Variants in PTPN1 observed in about 807,000 individuals in gnomAD.
PTPN1 encodes the protein protein tyrosine phosphatase non-receptor type 1.
In PTPN1, 12 loss-of-function variants were observed where a neutral mutation model predicts 59.9. That is an observed-to-expected ratio of 0.20 (90% CI 0.13 to 0.32). PTPN1 has a LOEUF of 0.32. PTPN1 is among the 10% of genes least tolerant of loss of function. PTPN1 has a pLI of 1.00. For missense variants in PTPN1, 356 were observed against 549.2 expected (o/e 0.65, Z 3.52); for synonymous variants, 178 against 203.6 (o/e 0.87, Z 1.07).
chr20:50,528,653 G>T (rs1273970238), intron 1 of PTPN1, among the ~76,000 whole-genome samples: 1 of 150,056 alleles, frequency 6.7e-6, no homozygotes, highest in Non-Finnish European at 1.5e-5. Context: ...GGTGGAGGTT[G>T]CAGTGAGCTG....
At chr20:50,559,684 T>C (rs982585516) in intron 1 of PTPN1, among the ~76,000 whole-genome samples, 1 of 152,180 alleles carries the variant, frequency 6.6e-6, no homozygotes, top group Non-Finnish European at 1.5e-5. Context: ...CTTCTACTTA[T>C]ATTTGATTCT....
chr20:50,510,601 G>T lies in PTPN1; in HGVS notation c.63+11G>T. On this transcript the variant is annotated intron_variant, in intron 1 of 9. Transcript: ENST00000371621. ...GCGGCCATTTACCAGGTGCGGGAGC[G>T]CCCCGGAGCGTGGCGGGCCCTTCGC... 1 of 1,550,468 alleles carries T rather than the reference G, an allele frequency of 6.4e-7. No homozygotes were observed. Among genetic ancestry groups the T allele is most frequent in the Non-Finnish European group, 8.7e-7 (1 of 1,146,416 alleles).
chr20:50,524,569 CTTTTTTTTTTTT>C (rs764474360), intron 1 of PTPN1, among the ~76,000 whole-genome samples: 3 of 45,782 alleles, frequency 6.6e-5, no homozygotes, highest in East Asian at 6.3e-4. Flanking sequence ...ATTATGTGGT[CTTTTTTTTTTTT>C]TTTTTTTTTT....
chr20:50,545,818 C>T (rs1187731644), intron 1 of PTPN1, among the ~76,000 whole-genome samples: 1 of 151,958 alleles, frequency 6.6e-6, no homozygotes, highest in Non-Finnish European at 1.5e-5. Flanking sequence ...GAGTTCAAGA[C>T]CAGCCCAGGC....
At chr20:50,554,370 G>A (rs2082716412) in intron 1 of PTPN1, among the ~76,000 whole-genome samples, 1 of 51,040 alleles carries the variant, frequency 2.0e-5, no homozygotes, top group Non-Finnish European at 4.3e-5. Flanking sequence ...CTAGGCAACA[G>A]CAAGACCACA....
chr20:50,524,830 C>G (rs2082567271), intron 1 of PTPN1, among the ~76,000 whole-genome samples: 1 of 152,010 alleles, frequency 6.6e-6, no homozygotes, highest in Non-Finnish European at 1.5e-5. Flanking sequence ...TCACTTCAGC[C>G]TCCCAAAGTG....
intron 1 of PTPN1, among the ~76,000 whole-genome samples, chr20:50,524,594 T>TTTTTTTTTTA (rs869166484): frequency 7.1e-6 from 1 of 140,884 alleles, no homozygotes; most frequent in Non-Finnish European, 1.5e-5. Flanking sequence ...TTTTTTTTTT[T>TTTTTTTTTTA]GAGGTGGAGT....
chr20:50,553,646 C>T (rs569615834), intron 1 of PTPN1, among the ~76,000 whole-genome samples: 6 of 152,176 alleles, frequency 3.9e-5, no homozygotes, highest in African/African-American at 1.2e-4. Context: ...AATAAGTAAA[C>T]AATGTGATGC....
At chr20:50,558,193 A>G (rs969943051) in intron 1 of PTPN1, among the ~76,000 whole-genome samples, 1 of 151,954 alleles carries the variant, frequency 6.6e-6, no homozygotes, top group South Asian at 2.1e-4. Context: ...TAATGTTCCC[A>G]TATCTTCTTA....
intron 1 of PTPN1, among the ~76,000 whole-genome samples, chr20:50,544,555 G>T (rs2082666636): frequency 6.6e-6 from 1 of 152,130 alleles, no homozygotes; most frequent in South Asian, 2.1e-4. Flanking sequence ...ATATGAATGA[G>T]AAAAACACTA....
At chr20:50,549,582 T>C (rs969528615) in intron 1 of PTPN1, among the ~76,000 whole-genome samples, 1 of 152,186 alleles carries the variant, frequency 6.6e-6, no homozygotes, top group Non-Finnish European at 1.5e-5. Context: ...CTGACCAGTT[T>C]TGCCCCTTCC....
At chr20:50,555,351 A>G (rs2082721435) in intron 1 of PTPN1, among the ~76,000 whole-genome samples, 1 of 152,228 alleles carries the variant, frequency 6.6e-6, no homozygotes, top group African/African-American at 2.4e-5. Flanking sequence ...GAACAATACA[A>G]AGCAGACTGT....
intron 5 of PTPN1, 76 bp from the exon 6 acceptor site, chr20:50,578,344 T>C (rs1013536951): frequency 1.6e-6 from 2 of 1,273,844 alleles, no homozygotes; most frequent in Non-Finnish European, 2.3e-6. Context: ...GGAAGGTGAC[T>C]CTGTGTGTAC....
intron 1 of PTPN1, among the ~76,000 whole-genome samples, chr20:50,529,573 G>A (rs185798257): frequency 7.9e-5 from 12 of 152,250 alleles, no homozygotes; most frequent in Non-Finnish European, 1.6e-4. Context: ...ACACTTTTGC[G>A]TCTGAAACCA....
At chr20:50,520,300 G>A (rs186603822) in intron 1 of PTPN1, among the ~76,000 whole-genome samples, 163 of 151,778 alleles carry the variant, frequency 1.1e-3, no homozygotes, top group Non-Finnish European at 2.5e-4. Context: ...GAATCTGGGA[G>A]GCGGAGGTTG....
intron 1 of PTPN1, among the ~76,000 whole-genome samples, chr20:50,541,917 C>T (rs2082654785): frequency 6.6e-6 from 1 of 152,170 alleles, no homozygotes; most frequent in Non-Finnish European, 1.5e-5. Flanking sequence ...TGCAATTACT[C>T]CTAAATTTGC....
At chr20:50,516,764 G>T (rs1487408701) in intron 1 of PTPN1, among the ~76,000 whole-genome samples, 1 of 152,190 alleles carries the variant, frequency 6.6e-6, no homozygotes, top group African/African-American at 2.4e-5. Flanking sequence ...GGCTTTTCCT[G>T]TAAAAGATAG....
At chr20:50,511,417 A>G (rs906401386) in intron 1 of PTPN1, among the ~76,000 whole-genome samples, 4 of 152,144 alleles carry the variant, frequency 2.6e-5, no homozygotes, top group Non-Finnish European at 5.9e-5. Context: ...CCGTGAGAAT[A>G]TGGGGCTAAA....
chr20:50,553,307 T>A (rs2082711778), intron 1 of PTPN1, among the ~76,000 whole-genome samples: 1 of 152,254 alleles, frequency 6.6e-6, no homozygotes, highest in South Asian at 2.1e-4. Context: ...CCTGGCGATC[T>A]TGCTGAATTT....
Sources: gnomAD v4.1 joint callset for allele counts (sites outside exome capture counted in the v4.1 genomes callset) on GRCh38, gnomAD v4.1.1 for gene constraint, MANE v1.5 for transcripts, NCBI Gene and HGNC (gene_info 2026-07-23, HGNC 2026-07-21) for gene names.